Variants in RIMBP2 observed in about 807,000 individuals in gnomAD.
RIMBP2 encodes the protein RIMS-binding protein 2.
RIMBP2 carries 48 observed loss-of-function variants against 118.6 expected under a neutral mutation model. The ratio of observed to expected loss-of-function variants is 0.40; its 90% confidence interval spans 0.32 to 0.51. The LOEUF is 0.51. RIMBP2 is among the 20% of genes least tolerant of loss of function. RIMBP2 has a pLI of 0.41. For missense variants in RIMBP2, 1,551 were observed against 1,768.3 expected (o/e 0.88, Z 2.20); for synonymous variants, 762 against 742.9 (o/e 1.03, Z -0.42).
In RIMBP2 at chr12:130,653,659, G is replaced by T. The variant is rs537009965; in HGVS notation, c.-351-25203C>A. Among the ~76,000 whole-genome samples, 17 of 152,328 alleles carry T rather than the reference G, an allele frequency of 1.1e-4. No individual in the cohort carries two copies. The South Asian group carries it at 3.5e-3, about 32-fold the overall frequency. On this transcript the variant is annotated intron_variant, in intron 1 of 22. Transcript: ENST00000690449. ...CCTGTCCTAGCGGAGCTTTTCTGTG[G>T]GGGCTCCACCCCTGTGGCAGGCTTC...
intron 1 of RIMBP2, among the ~76,000 whole-genome samples, chr12:130,645,640 C>A (rs953781609): frequency 6.6e-6 from 1 of 152,178 alleles, no homozygotes; most frequent in African/African-American, 2.4e-5. Context: ...TTTGTGGCTA[C>A]AAGAGGAGTC....
Position 130,438,366 on chromosome 12 carries a change from C to G in RIMBP2, c.1655G>C (p.Arg552Thr). 6.2e-7 allele frequency: 1 copy of G among 1,606,526 alleles called. No homozygotes were observed. Among genetic ancestry groups the G allele is most frequent in the Non-Finnish European group, 8.5e-7 (1 of 1,175,394 alleles). ...TGYGVYAKGQRVAEVIFPTAD... is the reference protein window; with the variant it reads ...TGYGVYAKGQTVAEVIFPTAD... Reference sequence around the variant, plus strand: ...CCCACCCACCCAACGAAAACTCACCCTCTGCCCTTTGGCATACACGCCGTA... The same window carrying G: ...CCCACCCACCCAACGAAAACTCACCGTCTGCCCTTTGGCATACACGCCGTA... Residue 552 changes from arginine (R) to threonine (T), a missense_variant and splice_region_variant, in exon 12 of 23, where the codon AGG becomes ACG. Physicochemically the swap from Arg to Thr is moderately conservative, Grantham distance 71. This residue lies in a region of RIMBP2 where 1,038 missense variants were observed against 1,125.1 expected (regional missense o/e 0.92). Transcript: ENST00000690449.
intron 1 of RIMBP2, among the ~76,000 whole-genome samples, chr12:130,674,124 A>T (rs946803968): frequency 2.8e-4 from 43 of 152,100 alleles, no homozygotes; most frequent in African/African-American, 9.2e-4. Context: ...TCTAAAATTT[A>T]AAAAATAAAA....
At chr12:130,655,293 G>A (rs1352516430) in intron 1 of RIMBP2, among the ~76,000 whole-genome samples, 1 of 152,214 alleles carries the variant, frequency 6.6e-6, no homozygotes, top group East Asian at 1.9e-4. Flanking sequence ...GCTGCTGTCT[G>A]AAATTACCTC....
At chr12:130,611,696 G>A (rs916158568) in intron 2 of RIMBP2, among the ~76,000 whole-genome samples, 5 of 152,092 alleles carry the variant, frequency 3.3e-5, no homozygotes, top group Admixed American at 6.5e-5. Context: ...GTCCCGCCCC[G>A]GCACACACAT....
intron 21 of RIMBP2, among the ~76,000 whole-genome samples, chr12:130,403,764 G>T (rs2074887169): frequency 6.6e-6 from 1 of 152,090 alleles, no homozygotes; most frequent in Non-Finnish European, 1.5e-5. Context: ...GTATTCCAAT[G>T]AATACAGATT....
intron 2 of RIMBP2, among the ~76,000 whole-genome samples, chr12:130,521,841 G>A (rs1420041453): frequency 6.6e-6 from 1 of 152,148 alleles, no homozygotes; most frequent in African/African-American, 2.4e-5. Flanking sequence ...TTTTTCCAGG[G>A]AAGGACATGT....
chr12:130,608,321 G>A (rs747291398), intron 2 of RIMBP2, among the ~76,000 whole-genome samples: 5 of 152,236 alleles, frequency 3.3e-5, no homozygotes, highest in African/African-American at 1.2e-4. Flanking sequence ...ACCACCACAG[G>A]GGGTCGCAGA....
At chr12:130,603,858 G>A (rs1362635253) in intron 2 of RIMBP2, among the ~76,000 whole-genome samples, 9 of 152,194 alleles carry the variant, frequency 5.9e-5, no homozygotes, top group South Asian at 2.1e-4. Flanking sequence ...TGCTTGATAC[G>A]TGATAATAAG....
intron 2 of RIMBP2, among the ~76,000 whole-genome samples, chr12:130,535,901 C>T (rs1227038744): frequency 2.6e-5 from 4 of 151,854 alleles, no homozygotes; most frequent in African/African-American, 9.7e-5. Flanking sequence ...GTCTCAGGCC[C>T]TCCAAGTAGC....
chr12:130,709,405 T>C (rs1237931712), intron 1 of RIMBP2, among the ~76,000 whole-genome samples: 3 of 152,184 alleles, frequency 2.0e-5, no homozygotes, highest in Non-Finnish European at 1.5e-5. Context: ...CTGGGGCAGG[T>C]CTCTGGGCGT....
At chr12:130,655,716 C>T (rs1156938607) in intron 1 of RIMBP2, among the ~76,000 whole-genome samples, 1 of 152,214 alleles carries the variant, frequency 6.6e-6, no homozygotes, top group Non-Finnish European at 1.5e-5. Flanking sequence ...AACACAGATA[C>T]ATATGTGCAC....
chr12:130,532,519 T>G (rs1269144512), intron 2 of RIMBP2, among the ~76,000 whole-genome samples: 43 of 120,756 alleles, frequency 3.6e-4, no homozygotes, highest in Admixed American at 5.8e-4. Flanking sequence ...CCTCTAGGAG[T>G]TACGTCTAAT....
In RIMBP2 at chr12:130,589,244, T is replaced by C. The variant is rs549924237; in HGVS notation, c.-217+39078A>G. On this transcript the variant is annotated intron_variant, in intron 2 of 22. Coordinates refer to ENST00000690449, the MANE Select transcript of RIMBP2 (RefSeq NM_001393629.1). Reference sequence around the variant, plus strand: ...TAACGTGGGCTCTTTCATCAAAAGATTCTTACATACAAACACACACACCTT... The same window carrying C: ...TAACGTGGGCTCTTTCATCAAAAGACTCTTACATACAAACACACACACCTT... 3.2e-4 allele frequency among the ~76,000 whole-genome samples: 48 copies of C among 152,338 alleles called. 1 individual carries two copies. In the East Asian group the frequency reaches 8.5e-3, roughly 27 times the overall value.
chr12:130,605,705 CTG>C (rs2060142009), intron 2 of RIMBP2, among the ~76,000 whole-genome samples: 1 of 152,184 alleles, frequency 6.6e-6, no homozygotes, highest in Non-Finnish European at 1.5e-5. Context: ...CGTCTGTGTG[CTG>C]TGTGGGGGTT....
At chr12:130,486,214 C>T (rs1395682890) in intron 4 of RIMBP2, among the ~76,000 whole-genome samples, 3 of 152,164 alleles carry the variant, frequency 2.0e-5, no homozygotes, top group African/African-American at 4.8e-5. Context: ...TGGCCACTTT[C>T]GTGCCCTGAC....
chr12:130,415,920 C>T (rs2076072210), intron 17 of RIMBP2, among the ~76,000 whole-genome samples: 1 of 151,956 alleles, frequency 6.6e-6, no homozygotes, highest in South Asian at 2.1e-4. Flanking sequence ...ATTGTTCAAG[C>T]TGAGAGCCAA....
At chr12:130,410,005 T>C (rs1419196522) in intron 19 of RIMBP2, among the ~76,000 whole-genome samples, 2 of 152,224 alleles carry the variant, frequency 1.3e-5, no homozygotes, top group Non-Finnish European at 2.9e-5. Flanking sequence ...CATTTTCCAC[T>C]TTCACCAGCA....
intron 2 of RIMBP2, among the ~76,000 whole-genome samples, chr12:130,599,500 T>C (rs1272504979): frequency 6.6e-6 from 1 of 152,250 alleles, no homozygotes; most frequent in South Asian, 2.1e-4. Flanking sequence ...AATAAGCACA[T>C]GAAAAGATGA....
Sources: allele counts gnomAD v4.1 joint callset (sites outside exome capture counted in the v4.1 genomes callset), GRCh38; gene constraint gnomAD v4.1.1; regional missense constraint gnomAD v4.1.1; transcripts MANE v1.5; gene names NCBI Gene and HGNC (gene_info 2026-07-23, HGNC 2026-07-21).